The following SIPA1L3 variants were observed in gnomAD, a reference collection of about 807,000 sequenced individuals.
SIPA1L3 encodes the protein signal-induced proliferation-associated 1-like protein 3.
Under a neutral mutation model 150.1 loss-of-function variants are expected in SIPA1L3, and 59 were observed. The observed-to-expected ratio is 0.39, with a 90% CI of 0.32 to 0.49. The LOEUF (loss-of-function observed/expected upper bound fraction) is 0.49, where lower values mean the gene tolerates loss of function less well. SIPA1L3 is among the 20% of genes least tolerant of loss of function. The pLI is 0.86. For missense variants in SIPA1L3, 2,211 were observed against 2,489.5 expected (o/e 0.89, Z 2.38); for synonymous variants, 1,070 against 1,077.6 (o/e 0.99, Z 0.14).
chr19:37,998,566 G>C (rs1262176215), intron 1 of SIPA1L3, among the ~76,000 whole-genome samples: 3 of 152,176 alleles, frequency 2.0e-5, no homozygotes, highest in Non-Finnish European at 2.9e-5. Flanking sequence ...AGGATTGCTT[G>C]AGCTCAGGAG....
Position 38,081,353 on chromosome 19 carries a change from A to G in SIPA1L3, c.-213A>G. ...AGCCACTCGGTCTGGAGCCCCCAGG[A>G]CAGCACCTGCTTCCTGAGGTTGTCC... is the stretch of plus-strand genomic sequence containing the variant. On this transcript the variant is annotated 5_prime_UTR_variant, in exon 3 of 22. Transcript: ENST00000222345. 1.8e-6 allele frequency: 1 copy of G among 554,724 alleles called. No homozygotes were observed. The highest frequency in any genetic ancestry group is 2.8e-5 in the South Asian group (1 of 35,732). 34.4% of individuals were successfully genotyped at this position (554,724 alleles called of 1,614,324 possible).
chr19:38,207,212 G>GA lies in SIPA1L3; in HGVS notation c.*972_*973insA, dbSNP rs1555798738. 2 of 150,026 alleles carry GA rather than the reference G, an allele frequency of 1.3e-5. No individual in the cohort carries two copies. The highest frequency in any genetic ancestry group is 3.0e-5 in the Non-Finnish European group (2 of 67,384). The allele number at this position is 150,026 out of a possible 1,614,324, so 9.3% of individuals were successfully genotyped here. A position where few individuals can be genotyped will look rare whatever the true frequency, so the allele number is the denominator to read the frequency against. On this transcript the variant is annotated 3_prime_UTR_variant, in exon 22 of 22. Transcript: ENST00000222345. ...AGAACAGCCTTCATCTCCTCCTCTG[G>GA]TTTTTTTTTCCTTTGCAAGTCTCCC... is the stretch of plus-strand genomic sequence containing the variant.
chr19:38,156,905 A>G (rs2569412), intron 13 of SIPA1L3, among the ~76,000 whole-genome samples: 51,699 of 151,982 alleles, frequency 0.34, 10,318 homozygotes, highest in Middle Eastern at 0.52. Flanking sequence ...GCTCACACCT[A>G]TAATTCTAGC....
rs889877757 is a variant in SIPA1L3, at chr19:38,207,813, A to C, written c.*1573A>C. 2.0e-5 allele frequency: 3 copies of C among 152,524 alleles called. No individual in the cohort carries two copies. Among genetic ancestry groups the C allele is most frequent in the Non-Finnish European group, 4.4e-5 (3 of 68,120 alleles). The allele number at this position is 152,524 out of a possible 1,614,324, so 9.4% of individuals were successfully genotyped here. On this transcript the variant is annotated 3_prime_UTR_variant, in exon 22 of 22. Transcript: ENST00000222345. ...GTGGGGGTGAGAGAAGAGGGTTCTT[A>C]TCGCGTCTCCTGTGATCAGCCTCTG...
intron 1 of SIPA1L3, among the ~76,000 whole-genome samples, chr19:37,981,583 C>G (rs1383220303): frequency 6.6e-6 from 1 of 152,074 alleles, no homozygotes; most frequent in Non-Finnish European, 1.5e-5. Context: ...CCCATAGATG[C>G]CGGCAATTAT....
intron 7 of SIPA1L3, 121 bp from the exon 8 acceptor site, chr19:38,110,106 G>A (rs986675594): frequency 8.4e-6 from 8 of 949,688 alleles, no homozygotes; most frequent in Admixed American, 5.9e-5. Context: ...CATTCCTTGG[G>A]CTGTGTGTGA....
chr19:38,064,680 C>T (rs980828193), intron 2 of SIPA1L3, among the ~76,000 whole-genome samples: 2 of 152,094 alleles, frequency 1.3e-5, no homozygotes, highest in African/African-American at 4.8e-5. Context: ...GCCTGGGCAA[C>T]GGAGCCAGAC....
At chr19:37,930,840 C>T (rs1462701300) in intron 1 of SIPA1L3, among the ~76,000 whole-genome samples, 1 of 151,664 alleles carries the variant, frequency 6.6e-6, no homozygotes, top group Admixed American at 6.6e-5. Flanking sequence ...CCCCCCCAAC[C>T]CCCAACAGCA....
chr19:38,024,674 C>T (rs542739102), intron 1 of SIPA1L3, among the ~76,000 whole-genome samples: 1 of 152,230 alleles, frequency 6.6e-6, no homozygotes, highest in East Asian at 1.9e-4. Context: ...ACAGGGGCTT[C>T]AGAATTCTTT....
chr19:38,113,192 C>T (rs903471866), intron 8 of SIPA1L3, among the ~76,000 whole-genome samples: 1 of 149,444 alleles, frequency 6.7e-6, no homozygotes, highest in African/African-American at 2.5e-5. Context: ...GCCTGGGCTA[C>T]AGAGCGAGAC....
intron 1 of SIPA1L3, among the ~76,000 whole-genome samples, chr19:37,967,542 G>A (rs7245752): frequency 0.037 from 5,674 of 152,032 alleles, 374 homozygotes; most frequent in African/African-American, 0.13. Context: ...GTGAGCCACC[G>A]CACCCGGCTG....
intron 19 of SIPA1L3, 76 bp from the exon 20 acceptor site, chr19:38,201,786 G>A: frequency 6.8e-7 from 1 of 1,475,778 alleles, no homozygotes; most frequent in Non-Finnish European, 9.0e-7. Flanking sequence ...GGTTTGCAGG[G>A]AGAGGCGTGG....
intron 1 of SIPA1L3, among the ~76,000 whole-genome samples, chr19:37,993,769 G>A (rs980027234): frequency 6.6e-6 from 1 of 152,192 alleles, no homozygotes; most frequent in Non-Finnish European, 1.5e-5. Context: ...GTCTTGCCAC[G>A]GGGACAGGTT....
chr19:38,071,087 A>C (rs1039755504), intron 2 of SIPA1L3, among the ~76,000 whole-genome samples: 3 of 152,116 alleles, frequency 2.0e-5, no homozygotes, highest in Non-Finnish European at 4.4e-5. Flanking sequence ...GGAAGGGCAC[A>C]CTCGGGCACC....
chr19:37,980,616 G>T (rs774400483), intron 1 of SIPA1L3, among the ~76,000 whole-genome samples: 1 of 152,216 alleles, frequency 6.6e-6, no homozygotes, highest in East Asian at 1.9e-4. Context: ...CTGAGGCCAG[G>T]GAGGAGGGGG....
intron 14 of SIPA1L3, among the ~76,000 whole-genome samples, chr19:38,162,765 C>T (rs1336464506): frequency 6.6e-6 from 1 of 152,370 alleles, no homozygotes; most frequent in Non-Finnish European, 1.5e-5. Context: ...GGCTCCCTCC[C>T]TCTTGTGGCT....
chr19:37,964,806 A>C (rs1168483629), intron 1 of SIPA1L3: 5 of 152,084 alleles, frequency 3.3e-5, no homozygotes, highest in African/African-American at 1.2e-4. Context: ...CCAGCATTTA[A>C]TAGTAATTTC....
chr19:38,193,700 G>A lies in SIPA1L3; in HGVS notation c.4760G>A (p.Arg1587His), dbSNP rs773516053. 2.9e-5 allele frequency: 45 copies of A among 1,570,900 alleles called. No homozygotes were observed. The highest frequency in any genetic ancestry group is 4.6e-5 in the South Asian group (4 of 87,352). Residue 1587 changes from arginine (R) to histidine (H), a missense_variant, in exon 18 of 22, where the codon CGC becomes CAC. Around this residue, in one of 5 missense-constraint regions of SIPA1L3, gnomAD observed 806 missense variants for 870.1 expected, o/e 0.93. Coordinates refer to ENST00000222345, the MANE Select transcript of SIPA1L3 (RefSeq NM_015073.3). ...CAFPSSTLPARRQHQHPHPPV... is the reference protein window; with the variant it reads ...CAFPSSTLPAHRQHQHPHPPV... ...TTCCCGTCCAGCACGCTGCCTGCAC[G>A]CCGCCAGCACCAGCACCCCCACCCG...
chr19:37,922,722 G>T (rs1035424901), intron 1 of SIPA1L3, among the ~76,000 whole-genome samples: 2 of 152,004 alleles, frequency 1.3e-5, no homozygotes, highest in African/African-American at 2.4e-5. Flanking sequence ...AGTCCTCAGT[G>T]AGGGGAGCAC....
Sources: gnomAD v4.1 joint callset for allele counts (sites outside exome capture counted in the v4.1 genomes callset) on GRCh38, gnomAD v4.1.1 for gene constraint, gnomAD v4.1.1 regional missense constraint, MANE v1.5 for transcripts, NCBI Gene and HGNC (gene_info 2026-07-23, HGNC 2026-07-21) for gene names.